Variants in DOK6 observed in about 807,000 individuals in gnomAD.
The protein encoded by DOK6 is docking protein 6, also known as downstream of tyrosine kinase 6.
In DOK6, 22 loss-of-function variants were observed where a neutral mutation model predicts 44.0. That is an observed-to-expected ratio of 0.50 (90% CI 0.36 to 0.71). The LOEUF is 0.71. Among genes scored for constraint, DOK6 ranks in the 30% least tolerant of loss-of-function variants. DOK6 has a pLI of 0.00. For synonymous variants in DOK6, 166 were observed against 145.5 expected (o/e 1.14, Z -1.01); for missense variants, 340 against 416.4 (o/e 0.82, Z 1.60).
intron 1 of DOK6, among the ~76,000 whole-genome samples, chr18:69,518,016 G>A (rs369982624): frequency 8.7e-4 from 133 of 152,038 alleles, no homozygotes; most frequent in African/African-American, 3.0e-3. Flanking sequence ...TCTCTTGGTG[G>A]CTTGCCTGCT....
At chr18:69,508,130 A>G (rs1237454726) in intron 1 of DOK6, among the ~76,000 whole-genome samples, 1 of 152,002 alleles carries the variant, frequency 6.6e-6, no homozygotes, top group African/African-American at 2.4e-5. Context: ...TGGGTTTTCC[A>G]TTATATAATC....
chr18:69,668,741 T>C (rs1985721823), intron 3 of DOK6, among the ~76,000 whole-genome samples: 1 of 152,206 alleles, frequency 6.6e-6, no homozygotes, highest in Admixed American at 6.5e-5. Flanking sequence ...CATTCCGCAA[T>C]GTATGTGACT....
chr18:69,700,044 C>T (rs752660023), intron 5 of DOK6, among the ~76,000 whole-genome samples: 2 of 151,792 alleles, frequency 1.3e-5, no homozygotes, highest in African/African-American at 4.8e-5. Context: ...CATCAGATCT[C>T]GTGAGACTTA....
At chr18:69,680,466 G>T (rs1276451092) in intron 4 of DOK6, among the ~76,000 whole-genome samples, 1 of 152,068 alleles carries the variant, frequency 6.6e-6, no homozygotes, top group Non-Finnish European at 1.5e-5. Context: ...TGTTCCTCTT[G>T]GCCCATTCAG....
At chr18:69,547,133 A>T (rs1982429570) in intron 1 of DOK6, among the ~76,000 whole-genome samples, 1 of 151,428 alleles carries the variant, frequency 6.6e-6, no homozygotes, top group African/African-American at 2.4e-5. Flanking sequence ...ACGGAGTCTC[A>T]CTCTGTTGCC....
At chr18:69,636,362 C>T (rs906310881) in intron 3 of DOK6, among the ~76,000 whole-genome samples, 1 of 152,126 alleles carries the variant, frequency 6.6e-6, no homozygotes, top group African/African-American at 2.4e-5. Context: ...GGCACAGACC[C>T]CCTTGTCACA....
At chr18:69,645,569 T>C (rs1985050394) in intron 3 of DOK6, among the ~76,000 whole-genome samples, 1 of 152,150 alleles carries the variant, frequency 6.6e-6, no homozygotes, top group African/African-American at 2.4e-5. Flanking sequence ...TACATGCTAG[T>C]AGGAATGTAA....
At chr18:69,668,255 C>T (rs982170448) in intron 3 of DOK6, among the ~76,000 whole-genome samples, 13 of 152,212 alleles carry the variant, frequency 8.5e-5, no homozygotes, top group African/African-American at 3.1e-4. Context: ...TCCACTGCTT[C>T]TCCTCAACCC....
At chr18:69,734,706 T>C (rs139563952) in intron 5 of DOK6, among the ~76,000 whole-genome samples, 260 of 152,300 alleles carry the variant, frequency 1.7e-3, no homozygotes, top group African/African-American at 5.7e-3. Flanking sequence ...AATGAAATTA[T>C]ACAGCTGTGA....
chr18:69,578,501 CAGAT>C (rs1199514142), intron 2 of DOK6, among the ~76,000 whole-genome samples: 1 of 152,138 alleles, frequency 6.6e-6, no homozygotes, highest in Admixed American at 6.5e-5. Flanking sequence ...CATGGGAAAT[CAGAT>C]AGTGTGAAAG....
intron 1 of DOK6, among the ~76,000 whole-genome samples, chr18:69,555,271 C>G (rs918248579): frequency 6.6e-6 from 1 of 152,108 alleles, no homozygotes; most frequent in Non-Finnish European, 1.5e-5. Context: ...CCACCAGATT[C>G]CTAAGACTGA....
chr18:69,729,855 C>T lies in DOK6; in HGVS notation c.600-9110C>T, dbSNP rs151232410. 2.3e-3 allele frequency among the ~76,000 whole-genome samples: 352 copies of T among 152,104 alleles called. 1 individual carries two copies. The highest frequency in any genetic ancestry group is 7.4e-3 in the African/African-American group (309 of 41,494). Reference sequence around the variant, plus strand: ...TCTCAAATTTAAGAAAATGGAGTGGCTCTAAAAGTTTTATTGTAAAATCTA... The same window carrying T: ...TCTCAAATTTAAGAAAATGGAGTGGTTCTAAAAGTTTTATTGTAAAATCTA... On this transcript the variant is annotated intron_variant, in intron 5 of 7. Coordinates refer to ENST00000382713, the MANE Select transcript of DOK6 (RefSeq NM_152721.6).
chr18:69,679,436 A>G (rs1461881251), intron 4 of DOK6, among the ~76,000 whole-genome samples: 1 of 152,178 alleles, frequency 6.6e-6, no homozygotes, highest in Admixed American at 6.5e-5. Context: ...AGTTTTTAGA[A>G]AGTCACAAAA....
At chr18:69,656,160 G>C (rs1056698292) in intron 3 of DOK6, among the ~76,000 whole-genome samples, 1 of 152,082 alleles carries the variant, frequency 6.6e-6, no homozygotes, top group African/African-American at 2.4e-5. Context: ...ATGACTCAAT[G>C]TTAGCAACAA....
At chr18:69,433,054 T>G (rs929510480) in intron 1 of DOK6, among the ~76,000 whole-genome samples, 9 of 152,194 alleles carry the variant, frequency 5.9e-5, no homozygotes, top group African/African-American at 2.2e-4. Context: ...AAGTGGAGGT[T>G]TGTGAAAACT....
chr18:69,547,941 T>TAATATATATATAATATATATAA (rs1982450273), intron 1 of DOK6, among the ~76,000 whole-genome samples: 1 of 140,872 alleles, frequency 7.1e-6, no homozygotes, highest in African/African-American at 2.5e-5. Flanking sequence ...AATATATATA[T>TAATATATATATAATATATATAA]AATATATATA....
intron 1 of DOK6, among the ~76,000 whole-genome samples, chr18:69,494,062 G>T (rs993210387): frequency 2.0e-5 from 3 of 152,178 alleles, no homozygotes; most frequent in African/African-American, 7.2e-5. Context: ...ATCTAAATGA[G>T]ATATTTTGTC....
chr18:69,731,887 A>T (rs1006840544), intron 5 of DOK6, among the ~76,000 whole-genome samples: 4 of 152,180 alleles, frequency 2.6e-5, no homozygotes, highest in African/African-American at 9.6e-5. Flanking sequence ...TTCACCACAA[A>T]AATAGGTGTG....
At chr18:69,627,615 G>GT (rs1386252866) in intron 3 of DOK6, among the ~76,000 whole-genome samples, 5 of 151,794 alleles carry the variant, frequency 3.3e-5, no homozygotes, top group Admixed American at 6.6e-5. Context: ...CACCCAGCTA[G>GT]TTTTTTTGTA....
Sources: gnomAD v4.1 joint callset for allele counts (sites outside exome capture counted in the v4.1 genomes callset) on GRCh38, gnomAD v4.1.1 for gene constraint, MANE v1.5 for transcripts, NCBI Gene and HGNC (gene_info 2026-07-23, HGNC 2026-07-21) for gene names.